The following TTLL11 variants were observed in gnomAD, a reference collection of about 807,000 sequenced individuals.
TTLL11 encodes the protein tubulin tyrosine ligase like 11, also known as tubulin polyglutamylase TTLL11.
In TTLL11, 42 loss-of-function variants were observed where a neutral mutation model predicts 51.7. That is an observed-to-expected ratio of 0.81 (90% CI 0.64 to 1.05). The LOEUF (loss-of-function observed/expected upper bound fraction) is 1.05. TTLL11 is among the 50% of genes least tolerant of loss of function. The probability of loss-of-function intolerance (pLI) is 0.00; values close to 1 mark genes in which losing one functional copy is unlikely to be tolerated. For missense variants in TTLL11, 799 were observed against 940.4 expected (o/e 0.85, Z 1.97); for synonymous variants, 381 against 383.5 (o/e 0.99, Z 0.08).
At chr9:122,082,990 C>T (rs551222702) in intron 1 of TTLL11, among the ~76,000 whole-genome samples, 2 of 152,152 alleles carry the variant, frequency 1.3e-5, no homozygotes, top group South Asian at 2.1e-4. Context: ...GCCGAGATTG[C>T]GCCACTATAC....
intron 6 of TTLL11, among the ~76,000 whole-genome samples, chr9:121,937,328 T>C (rs1432894122): frequency 6.6e-6 from 1 of 152,234 alleles, no homozygotes; most frequent in Non-Finnish European, 1.5e-5. Context: ...CCTGTTACTG[T>C]CCTGCTTTAA....
At chr9:122,021,325 A>G (rs183630538) in intron 3 of TTLL11, among the ~76,000 whole-genome samples, 4 of 152,298 alleles carry the variant, frequency 2.6e-5, no homozygotes, top group Admixed American at 2.0e-4. Context: ...GAAGACTGAG[A>G]TAGCCAGGGT....
At chr9:121,985,901 C>G (rs1211909292) in intron 4 of TTLL11, among the ~76,000 whole-genome samples, 3 of 152,116 alleles carry the variant, frequency 2.0e-5, no homozygotes, top group Admixed American at 6.6e-5. Flanking sequence ...CACCTTATAC[C>G]CTGTCAAAGT....
chr9:122,079,070 A>G (rs1282413161), intron 1 of TTLL11, among the ~76,000 whole-genome samples: 1 of 152,140 alleles, frequency 6.6e-6, no homozygotes, highest in Non-Finnish European at 1.5e-5. Context: ...ATGTGCACAT[A>G]TGTTTTCGTT....
chr9:121,868,907 A>G (rs1354617446), intron 7 of TTLL11, among the ~76,000 whole-genome samples: 1 of 152,244 alleles, frequency 6.6e-6, no homozygotes, highest in African/African-American at 2.4e-5. Context: ...GCTCCCATGA[A>G]CTAGGCATCA....
chr9:122,024,282 A>C (rs1256256996), intron 3 of TTLL11, among the ~76,000 whole-genome samples: 1 of 152,208 alleles, frequency 6.6e-6, no homozygotes, highest in Non-Finnish European at 1.5e-5. Context: ...CACTGTTCAA[A>C]GAAATTAAAG....
chr9:121,816,644 A>G lies in TTLL11; in HGVS notation c.*5943T>C, dbSNP rs1836418454. ...GTGTGCATGTGTGGTGTGTGCGCGC[A>G]CATGCGTGTGTGTGCATGTGTGCGT... is the stretch of plus-strand genomic sequence containing the variant. On this transcript the variant is annotated 3_prime_UTR_variant, in exon 9 of 9. Transcript: ENST00000321582. The G allele has an allele frequency of 6.8e-6, 1 of 147,348 alleles. No individual in the cohort carries two copies. Among genetic ancestry groups the G allele is most frequent in the African/African-American group, 2.6e-5 (1 of 39,026 alleles). The allele number at this position is 147,348 out of a possible 1,614,324, so 9.1% of individuals were successfully genotyped here.
At chr9:121,829,229 C>T (rs1285736383) in intron 8 of TTLL11, among the ~76,000 whole-genome samples, 1 of 152,106 alleles carries the variant, frequency 6.6e-6, no homozygotes, top group Non-Finnish European at 1.5e-5. Flanking sequence ...GCTGGGATTA[C>T]AAGCGTGAGC....
At chr9:121,832,013 G>A (rs894416272) in intron 8 of TTLL11, among the ~76,000 whole-genome samples, 3 of 152,188 alleles carry the variant, frequency 2.0e-5, no homozygotes, top group Non-Finnish European at 4.4e-5. Context: ...ACATGGCAGA[G>A]AGGCAGATTG....
At chr9:121,844,589 A>T (rs1837459532) in intron 8 of TTLL11, among the ~76,000 whole-genome samples, 1 of 152,266 alleles carries the variant, frequency 6.6e-6, no homozygotes, top group South Asian at 2.1e-4. Flanking sequence ...AATACAAAAT[A>T]ATGATTAATA....
intron 8 of TTLL11, among the ~76,000 whole-genome samples, chr9:121,832,811 G>A (rs532759464): frequency 3.3e-5 from 5 of 152,148 alleles, no homozygotes; most frequent in Non-Finnish European, 7.3e-5. Context: ...ATGGTGGCAC[G>A]CACCTGAAGT....
chr9:121,866,414 C>A (rs1838175537), intron 7 of TTLL11, among the ~76,000 whole-genome samples: 1 of 152,132 alleles, frequency 6.6e-6, no homozygotes, highest in African/African-American at 2.4e-5. Context: ...AATCCCAGCA[C>A]TTTGGGAGGC....
At chr9:121,963,787 T>C (rs1318687428) in intron 6 of TTLL11, 1 of 152,136 alleles carries the variant, frequency 6.6e-6, no homozygotes, top group East Asian at 1.9e-4. Flanking sequence ...CGGAAGAGAG[T>C]TGTCTGGTTT....
At chr9:121,823,077 T>C (rs1474199772) in intron 8 of TTLL11, among the ~76,000 whole-genome samples, 198 bp from the exon 9 acceptor site, 2 of 152,238 alleles carry the variant, frequency 1.3e-5, no homozygotes, top group African/African-American at 4.8e-5. Context: ...GGGCATTTTA[T>C]GGCCATGTGC....
At chr9:122,055,748 A>T (rs55693329) in intron 1 of TTLL11, among the ~76,000 whole-genome samples, 32 of 152,326 alleles carry the variant, frequency 2.1e-4, no homozygotes, top group Non-Finnish European at 3.8e-4. Flanking sequence ...AAAGCTCCAC[A>T]CCACCTTGTA....
intron 3 of TTLL11, among the ~76,000 whole-genome samples, chr9:122,027,093 T>G (rs2131797190): frequency 6.6e-6 from 1 of 152,182 alleles, no homozygotes; most frequent in East Asian, 1.9e-4. Context: ...CAGGAAACTC[T>G]CAATCGTGGC....
chr9:122,016,334 G>GGTTGGCAAGGGCTCTATAAGGC (rs1843979522), intron 3 of TTLL11, among the ~76,000 whole-genome samples: 1 of 152,196 alleles, frequency 6.6e-6, no homozygotes, highest in Non-Finnish European at 1.5e-5. Context: ...TAGCTGCCGA[G>GGTTGGCAAGGGCTCTATAAGGC]GTTGGCAAGG....
At chr9:121,855,572 G>T (rs1439494209) in intron 8 of TTLL11, among the ~76,000 whole-genome samples, 1 of 152,136 alleles carries the variant, frequency 6.6e-6, no homozygotes, top group Admixed American at 6.5e-5. Context: ...CTGCGGGAGA[G>T]GGGAAGATGC....
intron 1 of TTLL11, among the ~76,000 whole-genome samples, chr9:122,076,149 T>C (rs1166015155): frequency 3.9e-5 from 6 of 152,280 alleles, no homozygotes; most frequent in South Asian, 4.1e-4. Context: ...ACCACCATTC[T>C]GTCTGTCCCA....
Sources: allele counts gnomAD v4.1 joint callset (sites outside exome capture counted in the v4.1 genomes callset), GRCh38; gene constraint gnomAD v4.1.1; transcripts MANE v1.5; gene names NCBI Gene and HGNC (gene_info 2026-07-23, HGNC 2026-07-21).